CCSER1: variants seen among roughly 807,000 people sequenced by gnomAD.
CCSER1 encodes the protein serine-rich coiled-coil domain-containing protein 1.
A neutral mutation model predicts 82.0 loss-of-function variants in CCSER1; 41 were observed. The observed-to-expected ratio is 0.50, with a 90% CI of 0.39 to 0.65. The LOEUF is 0.65. Among genes scored for constraint, CCSER1 ranks in the 30% least tolerant of loss-of-function variants. CCSER1 has a pLI of 0.00. For missense variants in CCSER1, 1,119 were observed against 1,064.2 expected (o/e 1.05, Z -0.72); for synonymous variants, 414 against 383.9 (o/e 1.08, Z -0.92).
chr4:90,481,903 A>T (rs1226745956), intron 5 of CCSER1, among the ~76,000 whole-genome samples: 1 of 152,068 alleles, frequency 6.6e-6, no homozygotes, highest in Non-Finnish European at 1.5e-5. Context: ...GTTAGGGAGG[A>T]TTCCCTCTTT....
intron 10 of CCSER1, among the ~76,000 whole-genome samples, chr4:91,089,084 C>T (rs1723677715): frequency 6.6e-6 from 1 of 152,184 alleles, no homozygotes; most frequent in Non-Finnish European, 1.5e-5. Context: ...CATCAGCAGA[C>T]TAGCATCCTA....
chr4:90,184,993 A>G (rs1734352813), intron 1 of CCSER1, among the ~76,000 whole-genome samples: 1 of 152,060 alleles, frequency 6.6e-6, no homozygotes, highest in Non-Finnish European at 1.5e-5. Context: ...AATTTGGATT[A>G]CCTTGACCTA....
rs190436045 is a variant in CCSER1, at chr4:91,244,071, C to A, written c.2217+158077C>A. Among the ~76,000 whole-genome samples, 8 of 152,274 alleles carry A rather than the reference C, an allele frequency of 5.3e-5. No individual in the cohort carries two copies. The East Asian group carries it at 1.5e-3, about 29-fold the overall frequency. ...TGAGTCCCAGACATGGCTGCATTCA[C>A]CGCAAACTGATAGAAGAGTCCTTGA... On this transcript the variant is annotated intron_variant, in intron 10 of 10. Coordinates refer to ENST00000509176, the MANE Select transcript of CCSER1 (RefSeq NM_001145065.2).
At chr4:91,451,755 T>A (rs920999509) in intron 10 of CCSER1, among the ~76,000 whole-genome samples, 1 of 152,016 alleles carries the variant, frequency 6.6e-6, no homozygotes, top group African/African-American at 2.4e-5. Flanking sequence ...GTGGAATTAA[T>A]AGCAGATTAG....
intron 7 of CCSER1, among the ~76,000 whole-genome samples, chr4:90,762,323 GT>G: frequency 6.6e-6 from 1 of 152,264 alleles, no homozygotes; most frequent in East Asian, 1.9e-4. Flanking sequence ...ATGATCATAA[GT>G]TTTCTGAGGC....
intron 10 of CCSER1, among the ~76,000 whole-genome samples, chr4:91,512,319 T>A (rs1759871541): frequency 1.3e-5 from 2 of 152,206 alleles, no homozygotes; most frequent in African/African-American, 2.4e-5. Context: ...CTTGATTTGC[T>A]GAGTCTTCCA....
chr4:91,294,859 G>C (rs942005919), intron 10 of CCSER1, among the ~76,000 whole-genome samples: 1 of 151,952 alleles, frequency 6.6e-6, no homozygotes, highest in Admixed American at 6.6e-5. Context: ...GCTCCAAGTT[G>C]TACATATATT....
At position 90,607,970 on chromosome 4, in the gene CCSER1, T is replaced by C. The variant is rs917134477; in HGVS notation, c.1725-20055T>C. Among the ~76,000 whole-genome samples the C allele has an allele frequency of 2.0e-4, 30 of 152,352 alleles. No individual in the cohort carries two copies. In the East Asian group the frequency reaches 2.5e-3, roughly 13 times the overall value. The stretch of plus-strand genomic sequence containing the variant: ...CATACTGGAGTAAAAGTGTGTATTC[T>C]ATATCCTGTGTGCACTCCACAACTA... On this transcript the variant is annotated intron_variant, in intron 5 of 10. Transcript: ENST00000509176.
Position 90,391,864 on chromosome 4 carries a change from A to C in CCSER1, c.1510-8172A>C, listed in dbSNP as rs571550229. 2.0e-5 allele frequency among the ~76,000 whole-genome samples: 3 copies of C among 152,126 alleles called. No homozygotes were observed. The East Asian group carries it at 5.8e-4, about 29-fold the overall frequency. Reference sequence around the variant, plus strand: ...TTTTAAATATTTTAACTCTTATATTATTTTCCCCCTTACCATGTTTATCAC... The same window carrying C: ...TTTTAAATATTTTAACTCTTATATTCTTTTCCCCCTTACCATGTTTATCAC... On this transcript the variant is annotated intron_variant, in intron 3 of 10. Transcript: ENST00000509176.
intron 10 of CCSER1, among the ~76,000 whole-genome samples, chr4:91,105,777 A>G (rs916798519): frequency 4.6e-5 from 7 of 152,192 alleles, no homozygotes; most frequent in Non-Finnish European, 7.3e-5. Context: ...CAATTATGAT[A>G]TTCCAAGTGC....
intron 5 of CCSER1, among the ~76,000 whole-genome samples, chr4:90,574,329 C>T (rs1178390371): frequency 3.0e-5 from 4 of 133,732 alleles, no homozygotes; most frequent in East Asian, 2.2e-4. Context: ...ACTGCAGTGG[C>T]GCAATCTCGG....
intron 1 of CCSER1, among the ~76,000 whole-genome samples, chr4:90,182,427 A>C (rs890973387): frequency 6.6e-6 from 1 of 152,120 alleles, no homozygotes; most frequent in East Asian, 1.9e-4. Flanking sequence ...CAGTAGGACC[A>C]GTCTTTGTGT....
At chr4:91,447,808 T>C (rs1447999235) in intron 10 of CCSER1, among the ~76,000 whole-genome samples, 5 of 152,226 alleles carry the variant, frequency 3.3e-5, no homozygotes, top group South Asian at 2.1e-4. Context: ...GTACTTATCA[T>C]AGTGAAATAT....
intron 10 of CCSER1, among the ~76,000 whole-genome samples, chr4:91,173,941 A>T (rs566476557): frequency 6.0e-4 from 92 of 152,350 alleles, no homozygotes; most frequent in Middle Eastern, 3.4e-3. Flanking sequence ...TCAATTTTCC[A>T]ATAGTCTTAA....
chr4:90,697,228 G>T (rs1488231840), intron 6 of CCSER1, among the ~76,000 whole-genome samples: 1 of 152,112 alleles, frequency 6.6e-6, no homozygotes, highest in African/African-American at 2.4e-5. Flanking sequence ...CAGAATCTCT[G>T]CAGTGAATTC....
intron 3 of CCSER1, among the ~76,000 whole-genome samples, chr4:90,376,192 C>T (rs17826576): frequency 2.7e-3 from 408 of 152,118 alleles, no homozygotes; most frequent in Non-Finnish European, 4.5e-3. Flanking sequence ...AATTAGGCTG[C>T]CTGTGGTTAC....
chr4:91,257,593 CAAAG>C (rs1740798091), intron 10 of CCSER1, among the ~76,000 whole-genome samples: 1 of 151,056 alleles, frequency 6.6e-6, no homozygotes, highest in Admixed American at 6.6e-5. Context: ...TAAAATTAAA[CAAAG>C]GAACAAAAAT....
intron 9 of CCSER1, among the ~76,000 whole-genome samples, chr4:91,049,913 T>C (rs949507953): frequency 2.0e-5 from 3 of 152,212 alleles, no homozygotes; most frequent in Admixed American, 6.5e-5. Flanking sequence ...ATCAGAAGTC[T>C]CGGGCACTGG....
intron 4 of CCSER1, among the ~76,000 whole-genome samples, chr4:90,400,559 T>C (rs781243498): frequency 1.3e-5 from 2 of 152,168 alleles, no homozygotes; most frequent in Non-Finnish European, 2.9e-5. Context: ...TAGGTTAATG[T>C]TGATGCAATA....
Sources: allele counts gnomAD v4.1 joint callset (sites outside exome capture counted in the v4.1 genomes callset), GRCh38; gene constraint gnomAD v4.1.1; transcripts MANE v1.5; gene names NCBI Gene and HGNC (gene_info 2026-07-23, HGNC 2026-07-21).